DMD: variants seen among roughly 807,000 people sequenced by gnomAD.
DMD encodes dystrophin, also known as mutant dystrophin.
DMD carries 63 observed loss-of-function variants against 330.1 expected under a neutral mutation model. The ratio of observed to expected loss-of-function variants is 0.19; its 90% confidence interval spans 0.16 to 0.24. DMD has a LOEUF of 0.24. Ranked by LOEUF, DMD falls within the 10% of genes least tolerant of loss-of-function variation. The probability of loss-of-function intolerance (pLI) is 1.00; values close to 1 mark genes in which losing one functional copy is unlikely to be tolerated. For synonymous variants in DMD, 1,223 were observed against 959.8 expected (o/e 1.27, Z -5.07); for missense variants, 3,344 against 2,684.1 (o/e 1.25, Z -5.43).
chrX:33,305,534 T>A (rs1466584218), intron 1 of DMD, among the ~76,000 whole-genome samples: 1 of 104,849 alleles, frequency 9.5e-6, no homozygotes. Context: ...AACCTGCACA[T>A]TGTGCACATG....
chrX:32,561,783 G>A (rs760109680), intron 16 of DMD, among the ~76,000 whole-genome samples: 1 of 111,641 alleles, frequency 9.0e-6, no homozygotes, highest in Non-Finnish European at 1.9e-5. Context: ...GTTAAGGACA[G>A]CCAGAGAGAA....
chrX:33,136,826 T>C (rs1287056136), intron 1 of DMD, among the ~76,000 whole-genome samples: 1 of 110,839 alleles, frequency 9.0e-6, no homozygotes, highest in East Asian at 2.8e-4. Context: ...ATATTTTTAT[T>C]ATAGCAGCCC....
intron 74 of DMD, among the ~76,000 whole-genome samples, chrX:31,159,891 C>T (rs766721865): frequency 8.9e-6 from 1 of 112,367 alleles, no homozygotes; most frequent in African/African-American, 3.2e-5. Flanking sequence ...AGTAGCTACA[C>T]ATCTTTGTAA....
chrX:32,155,715 C>CATTTCTCTAG, intron 44 of DMD, among the ~76,000 whole-genome samples: 1 of 111,469 alleles, frequency 9.0e-6, no homozygotes, highest in Non-Finnish European at 1.9e-5. Context: ...AACCAGAGAC[C>CATTTCTCTAG]TGATACTTTA....
At chrX:33,272,159 C>T (rs2053168739) in intron 1 of DMD, among the ~76,000 whole-genome samples, 1 of 112,570 alleles carries the variant, frequency 8.9e-6, no homozygotes, top group African/African-American at 3.2e-5. Context: ...GCTGGGATTA[C>T]AGGCGTGAGC....
At chrX:32,612,490 A>T (rs1003125412) in intron 12 of DMD, among the ~76,000 whole-genome samples, 15 of 111,572 alleles carry the variant, frequency 1.3e-4, no homozygotes, top group African/African-American at 4.6e-4. Flanking sequence ...TAGTGTTAGT[A>T]TATTTTATGT....
intron 9 of DMD, among the ~76,000 whole-genome samples, chrX:32,648,660 AG>A (rs1159946100): frequency 1.8e-5 from 2 of 112,262 alleles, no homozygotes. Context: ...CGACGAAAAA[AG>A]AAATTTGCCT....
chrX:32,072,736 A>T (rs1470709363), intron 44 of DMD, among the ~76,000 whole-genome samples: 1 of 112,122 alleles, frequency 8.9e-6, no homozygotes, highest in Non-Finnish European at 1.9e-5. Flanking sequence ...AAGAGAAATT[A>T]GCTCTTTTTT....
chrX:32,195,874 C>G (rs1216062842), intron 44 of DMD, among the ~76,000 whole-genome samples: 3 of 111,736 alleles, frequency 2.7e-5, no homozygotes, highest in Non-Finnish European at 5.6e-5. Flanking sequence ...AAATGCCATA[C>G]TTGCTGGAAA....
chrX:33,167,159 AT>A, intron 1 of DMD, among the ~76,000 whole-genome samples: 1 of 111,613 alleles, frequency 9.0e-6, no homozygotes, highest in Middle Eastern at 4.2e-3. Context: ...CGCTTGAATA[AT>A]TTCTGCTGAA....
Position 31,276,869 on chromosome X carries a change from TA to T in DMD, c.9225-15854del, listed in dbSNP as rs761968281. ...AAGGACAAGAACAGGCCAGAATATT[TA>T]ATGGTGTTCAAAATCAAGATTGTGG... On this transcript the variant is annotated intron_variant, in intron 62 of 78. Coordinates refer to ENST00000357033, the MANE Select transcript of DMD (RefSeq NM_004006.3). Among the ~76,000 whole-genome samples the T allele has an allele frequency of 2.7e-5, 3 of 111,469 alleles. No individual in the cohort carries two copies. The East Asian group carries it at 8.5e-4, about 32-fold the overall frequency.
chrX:31,796,142 T>C (rs1383445818), intron 50 of DMD, among the ~76,000 whole-genome samples: 2 of 112,179 alleles, frequency 1.8e-5, no homozygotes, highest in African/African-American at 6.5e-5. Flanking sequence ...ACATTATGAT[T>C]GGCATGTTAA....
chrX:32,605,137 T>C (rs753115933), intron 12 of DMD, among the ~76,000 whole-genome samples: 2 of 111,218 alleles, frequency 1.8e-5, no homozygotes, highest in East Asian at 5.6e-4. Context: ...TCACATTACC[T>C]GACTTCAAAT....
At chrX:32,796,123 G>A (rs1346198666) in intron 7 of DMD, among the ~76,000 whole-genome samples, 1 of 110,837 alleles carries the variant, frequency 9.0e-6, no homozygotes, top group African/African-American at 3.3e-5. Context: ...ATATGTAAAG[G>A]GAAAGCAATC....
At chrX:32,486,642 C>A (rs1197475927) in intron 20 of DMD, among the ~76,000 whole-genome samples, 1 of 108,093 alleles carries the variant, frequency 9.3e-6, no homozygotes, top group East Asian at 2.9e-4. Context: ...GGTACTGGTA[C>A]CAAAACAGAG....
At chrX:33,057,947 C>A (rs1253361508) in intron 1 of DMD, among the ~76,000 whole-genome samples, 1 of 111,920 alleles carries the variant, frequency 8.9e-6, no homozygotes, top group South Asian at 3.7e-4. Flanking sequence ...GGCATGATCT[C>A]AGCTCACTAC....
At chrX:31,149,246 A>G (rs1244930484) in intron 74 of DMD, among the ~76,000 whole-genome samples, 1 of 111,847 alleles carries the variant, frequency 8.9e-6, no homozygotes, top group Non-Finnish European at 1.9e-5. Flanking sequence ...ATCTCTAACG[A>G]TGCTTCCGCA....
chrX:31,453,522 T>C (rs2065915264), intron 59 of DMD, among the ~76,000 whole-genome samples: 1 of 109,543 alleles, frequency 9.1e-6, no homozygotes, highest in Non-Finnish European at 1.9e-5. Context: ...GTTCTGGAGA[T>C]GGATGGTGGT....
intron 9 of DMD, among the ~76,000 whole-genome samples, chrX:32,666,853 A>G (rs752751688): frequency 3.7e-5 from 4 of 108,389 alleles, no homozygotes; most frequent in Non-Finnish European, 7.6e-5. Flanking sequence ...GCAAGCAAAG[A>G]CAAAGCAAGG....
Sources: gnomAD v4.1 joint callset for allele counts (sites outside exome capture counted in the v4.1 genomes callset) on GRCh38, gnomAD v4.1.1 for gene constraint, MANE v1.5 for transcripts, NCBI Gene and HGNC (gene_info 2026-07-23, HGNC 2026-07-21) for gene names.